The following PRKAG2 variants were observed in gnomAD, a reference collection of about 807,000 sequenced individuals.
PRKAG2 encodes 5'-AMP-activated protein kinase subunit gamma-2.
A neutral mutation model predicts 69.6 loss-of-function variants in PRKAG2; 26 were observed. The ratio of observed to expected loss-of-function variants is 0.37; its 90% CI spans 0.27 to 0.52. The LOEUF (loss-of-function observed/expected upper bound fraction) is 0.52. Among genes scored for constraint, PRKAG2 ranks in the 20% least tolerant of loss-of-function variants. The probability of loss-of-function intolerance (pLI) is 0.90; values close to 1 mark genes in which losing one functional copy is unlikely to be tolerated. For synonymous variants in PRKAG2, 293 were observed against 285.0 expected (o/e 1.03, Z -0.28); for missense variants, 557 against 740.0 (o/e 0.75, Z 2.87).
chr7:151,681,593 G>GT (rs1833896811), intron 3 of PRKAG2, among the ~76,000 whole-genome samples: 2 of 150,794 alleles, frequency 1.3e-5, no homozygotes, highest in African/African-American at 2.4e-5. Flanking sequence ...CTTTTTTTTT[G>GT]TTTTTTGCAC....
intron 6 of PRKAG2, among the ~76,000 whole-genome samples, chr7:151,582,783 G>A (rs17173199): frequency 0.15 from 22,094 of 152,138 alleles, 1,741 homozygotes; most frequent in East Asian, 0.27. Context: ...AGGCTTTCTC[G>A]CGGGCTCCTT....
chr7:151,774,609 C>T (rs919389530), intron 3 of PRKAG2, among the ~76,000 whole-genome samples: 5 of 152,086 alleles, frequency 3.3e-5, no homozygotes, highest in Non-Finnish European at 7.4e-5. Flanking sequence ...GAGTTTGAGA[C>T]CAGCCTGGCC....
intron 1 of PRKAG2, among the ~76,000 whole-genome samples, chr7:151,821,106 C>A (rs2078768919): frequency 6.5e-5 from 1 of 15,274 alleles, no homozygotes; most frequent in Non-Finnish European, 1.4e-4. Context: ...TCGTGTGTGG[C>A]ACAGACAGCA....
At chr7:151,695,571 C>T (rs1328372875) in intron 3 of PRKAG2, among the ~76,000 whole-genome samples, 2 of 152,162 alleles carry the variant, frequency 1.3e-5, no homozygotes, top group Non-Finnish European at 2.9e-5. Context: ...ACCATCCCTG[C>T]CCTCTTTCAA....
At position 151,560,403 on chromosome 7, in the gene PRKAG2, A is replaced by T. The variant is rs117835127; in HGVS notation, c.1678+121T>A. 9.1e-3 allele frequency: 14,475 copies of T among 1,598,594 alleles called. 80 individuals are homozygous for T. The highest frequency in any genetic ancestry group is 0.011 in the Non-Finnish European group (12,869 of 1,172,816). On this transcript the variant is annotated intron_variant, in intron 15 of 15. Coordinates refer to ENST00000287878, the MANE Select transcript of PRKAG2 (RefSeq NM_016203.4). ...AGAAAACGAAAATGGTTTCAAAGTA[A>T]TATACTCAAAGCCTTGATCTGTAGG... is the stretch of plus-strand genomic sequence containing the variant.
Position 151,855,142 on chromosome 7 carries a change from C to T in PRKAG2, c.114+21365G>A, listed in dbSNP as rs1435472391. ...CACACACCATCCTCCACACACACCA[C>T]CCTACACACACACCATCCTCCACAC... On this transcript the variant is annotated intron_variant, in intron 1 of 15. Transcript: ENST00000287878. Among the ~76,000 whole-genome samples, 15 of 45,240 alleles carry T rather than the reference C, an allele frequency of 3.3e-4. 1 individual carries two copies. Among genetic ancestry groups the T allele is most frequent in the Non-Finnish European group, 4.3e-4 (11 of 25,332 alleles). The allele number at this position is 45,240 out of a possible 152,430, so 29.7% of individuals were successfully genotyped here.
chr7:151,628,011 A>G (rs1241232094), intron 5 of PRKAG2, among the ~76,000 whole-genome samples: 1 of 152,176 alleles, frequency 6.6e-6, no homozygotes, highest in East Asian at 1.9e-4. Context: ...AATAGGACAG[A>G]ATGGCTGAAC....
chr7:151,719,229 C>T lies in PRKAG2; in HGVS notation c.467-43592G>A, dbSNP rs754203570. 6.6e-6 allele frequency among the ~76,000 whole-genome samples: 1 copy of T among 152,196 alleles called. No individual in the cohort carries two copies. The highest frequency in any genetic ancestry group is 1.9e-4 in the East Asian group (1 of 5,194). ...CAGAAGGGAGAGAGGTCCTGCCCCA[C>T]TCCCGGTCTCTGCAACATGCTTCCC... On this transcript the variant is annotated intron_variant, in intron 3 of 15. Coordinates refer to ENST00000287878, the MANE Select transcript of PRKAG2 (RefSeq NM_016203.4). The surrounding 1 kb of genome is among the most constrained non-coding windows in gnomAD (Gnocchi z 5.2).
Position 151,565,724 on chromosome 7 carries a change from C to T in PRKAG2, c.1395G>A (p.Glu465=), listed in dbSNP as rs756252375. 2 of 1,613,410 alleles carry T rather than the reference C, an allele frequency of 1.2e-6. No homozygotes were observed. Among genetic ancestry groups the T allele is most frequent in the South Asian group, 1.1e-5 (1 of 91,074 alleles). ...GTCAGCGCCAAACACACAAACCTGA[C>T]TCATCCACAACAGGCAGAGCTGATA... is the stretch of plus-strand genomic sequence containing the variant. ...RRISALPVVD[E]SGKVVDIYSK... The change falls in exon 12 of 16, where the codon GAG becomes GAA. Residue 465 remains glutamate (E), a synonymous_variant. Transcript: ENST00000287878.
At chr7:151,840,936 C>A (rs754182232) in intron 1 of PRKAG2, among the ~76,000 whole-genome samples, 5 of 152,198 alleles carry the variant, frequency 3.3e-5, no homozygotes, top group Non-Finnish European at 7.3e-5. Context: ...GTGTTCAAGT[C>A]CAGCCTATGA....
chr7:151,861,087 G>T (rs1472508759), intron 1 of PRKAG2, among the ~76,000 whole-genome samples: 1 of 152,212 alleles, frequency 6.6e-6, no homozygotes, highest in Non-Finnish European at 1.5e-5. Flanking sequence ...AGTACCTTCA[G>T]CCCTGGGGGC....
chr7:151,680,363 C>G (rs1164432799), intron 3 of PRKAG2, among the ~76,000 whole-genome samples: 3 of 152,208 alleles, frequency 2.0e-5, no homozygotes, highest in Admixed American at 2.0e-4. Context: ...AGGCAGCCAC[C>G]ATTCCTGTCG....
chr7:151,876,114 G>A (rs1018052934), intron 1 of PRKAG2, among the ~76,000 whole-genome samples: 25 of 128,626 alleles, frequency 1.9e-4, no homozygotes, highest in Non-Finnish European at 3.1e-4. Flanking sequence ...TCCAGCAGCC[G>A]AGCGCGGGCT....
At chr7:151,633,857 GT>G (rs555504862) in intron 4 of PRKAG2, among the ~76,000 whole-genome samples, 8 of 152,012 alleles carry the variant, frequency 5.3e-5, no homozygotes, top group African/African-American at 9.6e-5. Context: ...CCAAATTAGG[GT>G]TTTTTTTAAA....
At chr7:151,560,181 C>T (rs969123159) in intron 15 of PRKAG2, 1 of 985,380 alleles carries the variant, frequency 1.0e-6, no homozygotes, top group Non-Finnish European at 1.2e-6. Flanking sequence ...GTGACGTTCC[C>T]TCTATGTTTC....
chr7:151,580,001 T>C (rs368882314), intron 6 of PRKAG2, among the ~76,000 whole-genome samples: 11 of 152,318 alleles, frequency 7.2e-5, no homozygotes, highest in African/African-American at 2.6e-4. Context: ...TAAGGTTTTT[T>C]GGATTAAAAA....
chr7:151,686,485 C>T (rs1050622483), intron 3 of PRKAG2, among the ~76,000 whole-genome samples: 1 of 152,176 alleles, frequency 6.6e-6, no homozygotes, highest in African/African-American at 2.4e-5. Flanking sequence ...AGGTCAGCCT[C>T]ATGCAGAAAC....
At chr7:151,594,494 A>G (rs1813982515) in intron 6 of PRKAG2, among the ~76,000 whole-genome samples, 1 of 152,238 alleles carries the variant, frequency 6.6e-6, no homozygotes, top group African/African-American at 2.4e-5. Context: ...TGCAATACGC[A>G]TAATTTTAAT....
intron 3 of PRKAG2, chr7:151,736,235 C>G: frequency 7.3e-7 from 1 of 1,371,468 alleles, no homozygotes; most frequent in Non-Finnish European, 9.4e-7. Flanking sequence ...GTGGAGCCGT[C>G]CTGACGGGGC....
Sources: gnomAD v4.1 joint callset for allele counts (sites outside exome capture counted in the v4.1 genomes callset) on GRCh38, gnomAD v4.1.1 for gene constraint, Gnocchi (gnomAD v3.1) non-coding constraint, MANE v1.5 for transcripts, NCBI Gene and HGNC (gene_info 2026-07-23, HGNC 2026-07-21) for gene names.